RASAL2: variants seen among roughly 807,000 people sequenced by gnomAD.
RASAL2 encodes ras GTPase-activating protein nGAP.
In RASAL2, 58 loss-of-function variants were observed where a neutral mutation model predicts 128.9. The observed-to-expected ratio is 0.45, with a 90% confidence interval of 0.36 to 0.56. The LOEUF is 0.56. RASAL2 is among the 20% of genes least tolerant of loss of function. RASAL2 has a pLI of 0.00. For synonymous variants in RASAL2, 561 were observed against 580.8 expected (o/e 0.97, Z 0.49); for missense variants, 1,360 against 1,601.6 (o/e 0.85, Z 2.57).
chr1:178,165,878 CA>C (rs1269900350), intron 1 of RASAL2, among the ~76,000 whole-genome samples: 5 of 152,258 alleles, frequency 3.3e-5, no homozygotes, highest in Admixed American at 6.5e-5. Context: ...CCATGACCAA[CA>C]TAAACCTAAT....
rs1238045592 is a variant in RASAL2 at position 178,096,804 on chromosome 1, C to T, written c.202+2110C>T. On this transcript the variant is annotated intron_variant, in intron 1 of 17. Coordinates refer to ENST00000367649, the MANE Select transcript of RASAL2 (RefSeq NM_170692.4). ...TTTATTGTTTAGTATTGCTACTTTCCTTCCTCTGAGGCAGCTCATCCTGGA... is the reference window on the plus strand; with the variant it reads ...TTTATTGTTTAGTATTGCTACTTTCTTTCCTCTGAGGCAGCTCATCCTGGA... 3.9e-5 allele frequency among the ~76,000 whole-genome samples: 6 copies of T among 152,104 alleles called. No homozygotes were observed. The South Asian group carries it at 8.3e-4, about 21-fold the overall frequency.
chr1:178,129,024 A>C (rs1030441324), intron 1 of RASAL2, among the ~76,000 whole-genome samples: 1 of 151,280 alleles, frequency 6.6e-6, no homozygotes, highest in Non-Finnish European at 1.5e-5. Context: ...GTTAACATAC[A>C]TATGTTTTAT....
rs765886394 is a variant in RASAL2, at chr1:178,249,544, A to T, written c.203-34020A>T. ...CCACCTTCTGAAGCCTACTCCTGTC[A>T]GCTCGTCAAACTCATTCTCTGTCCA... On this transcript the variant is annotated intron_variant, in intron 1 of 17. Transcript: ENST00000367649. Among the ~76,000 whole-genome samples the T allele has an allele frequency of 2.2e-4, 33 of 151,998 alleles. 1 individual carries two copies. Among genetic ancestry groups the T allele is most frequent in the Admixed American group, 7.9e-4 (12 of 15,264 alleles).
chr1:178,142,545 G>A (rs1571537445), intron 1 of RASAL2, among the ~76,000 whole-genome samples: 2 of 152,128 alleles, frequency 1.3e-5, no homozygotes, highest in Non-Finnish European at 2.9e-5. Flanking sequence ...GGAGAGTTTC[G>A]GATTCTTAGT....
intron 3 of RASAL2, among the ~76,000 whole-genome samples, chr1:178,354,634 A>C (rs1670701301): frequency 6.6e-6 from 1 of 152,260 alleles, no homozygotes; most frequent in African/African-American, 2.4e-5. Context: ...GCTAGATAAC[A>C]AGATCCATAA....
At chr1:178,135,171 C>A (rs553762970) in intron 1 of RASAL2, among the ~76,000 whole-genome samples, 2 of 152,020 alleles carry the variant, frequency 1.3e-5, no homozygotes, top group African/African-American at 2.4e-5. Context: ...AATCTTAAAA[C>A]GTCTATAAAG....
intron 1 of RASAL2, among the ~76,000 whole-genome samples, chr1:178,186,050 A>G (rs1371066237): frequency 1.3e-5 from 2 of 152,062 alleles, no homozygotes; most frequent in Non-Finnish European, 2.9e-5. Flanking sequence ...TATTTATTCA[A>G]TATCATTAAT....
chr1:178,456,889 C>G lies in RASAL2; in HGVS notation c.2380C>G (p.Pro794Ala). ...TGGGCTGCAGAAAATATTTGAAGAC[C>G]CCACTGACAGGTATGAAAGAGAGAA... ...SSGLQKIFED[P>A]TDSDLHKLKS... The change falls in exon 13 of 18, where the codon CCC becomes GCC. Residue 794 changes from proline to alanine, a missense_variant. Pro to Ala is a conservative substitution (Grantham distance 27). Coordinates refer to ENST00000367649, the MANE Select transcript of RASAL2 (RefSeq NM_170692.4). The G allele has an allele frequency of 6.2e-7, 1 of 1,613,730 alleles. No homozygotes were observed. The highest frequency in any genetic ancestry group is 1.1e-5 in the South Asian group (1 of 91,048).
chr1:178,354,832 A>G (rs145974198), intron 3 of RASAL2, among the ~76,000 whole-genome samples: 3 of 152,392 alleles, frequency 2.0e-5, no homozygotes, highest in African/African-American at 4.8e-5. Flanking sequence ...GATATATACT[A>G]CGTTTCTGGA....
chr1:178,390,792 G>A (rs1672856951), intron 4 of RASAL2, among the ~76,000 whole-genome samples: 1 of 151,988 alleles, frequency 6.6e-6, no homozygotes, highest in Admixed American at 6.5e-5. Flanking sequence ...CAACTGTAGA[G>A]TTCAAATCCT....
chr1:178,158,668 A>G (rs1324359150), intron 1 of RASAL2, among the ~76,000 whole-genome samples: 3 of 152,252 alleles, frequency 2.0e-5, no homozygotes, highest in African/African-American at 7.2e-5. Context: ...AAGAATCGTT[A>G]GTATCATGGC....
rs183388837 is a variant in RASAL2 at position 178,181,392 on chromosome 1, C to T, written c.202+86698C>T. On this transcript the variant is annotated intron_variant, in intron 1 of 17. Transcript: ENST00000367649. The stretch of plus-strand genomic sequence containing the variant: ...TTTTTTTTTGAGGCAGTGTCTCACT[C>T]TGTCACCCAGGCTGGAGTGCAGTGG... Among the ~76,000 whole-genome samples the T allele has an allele frequency of 5.5e-3, 831 of 151,202 alleles. 10 individuals carry two copies. The highest frequency in any genetic ancestry group is 0.019 in the African/African-American group (778 of 41,172).
At chr1:178,333,288 A>G (rs1183275942) in intron 3 of RASAL2, among the ~76,000 whole-genome samples, 1 of 152,050 alleles carries the variant, frequency 6.6e-6, no homozygotes. Context: ...CGGCCTCCCA[A>G]AGTGCTGGGA....
intron 2 of RASAL2, among the ~76,000 whole-genome samples, chr1:178,287,467 T>C (rs1667082559): frequency 6.6e-6 from 1 of 151,606 alleles, no homozygotes; most frequent in Non-Finnish European, 1.5e-5. Context: ...AAAGTAAAAA[T>C]ATAATCCTAC....
chr1:178,420,103 T>C (rs1328028569), intron 4 of RASAL2, among the ~76,000 whole-genome samples: 2 of 152,224 alleles, frequency 1.3e-5, no homozygotes, highest in Non-Finnish European at 2.9e-5. Context: ...CCATTTTCTT[T>C]GCCTGTTTTC....
At chr1:178,140,631 G>A (rs1317041460) in intron 1 of RASAL2, among the ~76,000 whole-genome samples, 1 of 152,032 alleles carries the variant, frequency 6.6e-6, no homozygotes, top group Non-Finnish European at 1.5e-5. Context: ...TTTCCTCCAT[G>A]ACTTTTTGTG....
chr1:178,318,211 A>C (rs1370229081), intron 3 of RASAL2, among the ~76,000 whole-genome samples: 3 of 150,280 alleles, frequency 2.0e-5, no homozygotes, highest in South Asian at 2.1e-4. Context: ...CTTTACTTCC[A>C]ACTATGTGGT....
chr1:178,383,871 G>A (rs1463173279), intron 3 of RASAL2, among the ~76,000 whole-genome samples: 1 of 152,196 alleles, frequency 6.6e-6, no homozygotes, highest in Non-Finnish European at 1.5e-5. Context: ...AGGGAAAATA[G>A]ATTATAGTGA....
At chr1:178,145,312 TG>T (rs1660695152) in intron 1 of RASAL2, among the ~76,000 whole-genome samples, 1 of 152,150 alleles carries the variant, frequency 6.6e-6, no homozygotes, top group African/African-American at 2.4e-5. Context: ...TTTTTTGTTT[TG>T]TTTTTAGCCC....
Sources: gnomAD v4.1 joint callset for allele counts (sites outside exome capture counted in the v4.1 genomes callset) on GRCh38, gnomAD v4.1.1 for gene constraint, MANE v1.5 for transcripts, NCBI Gene and HGNC (gene_info 2026-07-23, HGNC 2026-07-21) for gene names.